Variants in CD163L1 observed in about 807,000 individuals in gnomAD.
CD163L1 encodes scavenger receptor cysteine-rich type 1 protein M160.
A neutral mutation model predicts 165.4 loss-of-function variants in CD163L1; 124 were observed. The observed-to-expected ratio is 0.75, with a 90% confidence interval of 0.65 to 0.87. The LOEUF is 0.87. Ranked by LOEUF, CD163L1 falls within the 40% of genes least tolerant of loss-of-function variation. The probability of loss-of-function intolerance (pLI) is 0.00; values close to 1 mark genes in which losing one functional copy is unlikely to be tolerated. For missense variants in CD163L1, 1,525 were observed against 1,799.9 expected (o/e 0.85, Z 2.76); for synonymous variants, 585 against 662.2 (o/e 0.88, Z 1.79).
rs1565808766 is a variant in CD163L1 at position 7,421,045 on chromosome 12, A to ATATACATATATATATATACGTGTATATG, written c.766+11370_766+11371insCATATACACGTATATATATATATGTATA. Among the ~76,000 whole-genome samples the ATATACATATATATATATACGTGTATATG allele has an allele frequency of 5.2e-3, 482 of 92,424 alleles. 39 individuals are homozygous for ATATACATATATATATATACGTGTATATG. The highest frequency in any genetic ancestry group is 0.024 in the African/African-American group (414 of 17,096). 60.6% of individuals were successfully genotyped at this position (92,424 alleles called of 152,430 possible). ...TATACATATATATATACGTGTATAT[A>ATATACATATATATATATACGTGTATATG]TATGTATATACGTATATATGTATAT... On this transcript the variant is annotated intron_variant, in intron 4 of 19. Coordinates refer to ENST00000313599, the MANE Select transcript of CD163L1 (RefSeq NM_174941.6).
chr12:7,329,762 C>T, the CD163L1 span, among the ~76,000 whole-genome samples: 2 of 152,004 alleles, frequency 1.3e-5, no homozygotes, highest in South Asian at 4.1e-4. Flanking sequence ...AACCTGAAAA[C>T]AAATTTTTTA....
intron 2 of CD163L1, 42 bp downstream of exon 2, chr12:7,441,112 A>G: frequency 7.3e-7 from 1 of 1,365,452 alleles, no homozygotes; most frequent in Non-Finnish European, 1.0e-6. Context: ...AAGGTAGAAT[A>G]GAGGATTGTA....
chr12:7,437,289 GTAT>G (rs1409450123), intron 2 of CD163L1, among the ~76,000 whole-genome samples: 1 of 4,640 alleles, frequency 2.2e-4, no homozygotes, highest in Non-Finnish European at 9.8e-4. Context: ...TATTTTAATA[GTAT>G]TACTTTTATT....
rs1323016084 is a variant in CD163L1, at chr12:7,368,088, T to C, written c.4182A>G (p.Arg1394=). Residue 1394 remains arginine (R), a splice_region_variant and synonymous_variant, in exon 17 of 20, where the codon AGA becomes AGG. Transcript: ENST00000313599. The surrounding 1 kb of genome is among the most constrained non-coding windows in gnomAD (Gnocchi z 4.3). ...RVQKQKHLPL[R]VSTRRRGSLE... ...ATACAATCCTAGTGGGGCTCTCACC[T>C]CTGAGGGGCAGATGTTTTTGTTTCT... 6.3e-7 allele frequency: 1 copy of C among 1,580,316 alleles called. No individual in the cohort carries two copies. Among genetic ancestry groups the C allele is most frequent in the Admixed American group, 1.7e-5 (1 of 59,948 alleles).
At chr12:7,415,032 T>C (rs1413349913) in intron 4 of CD163L1, among the ~76,000 whole-genome samples, 2 of 152,100 alleles carry the variant, frequency 1.3e-5, no homozygotes, top group East Asian at 1.9e-4. Flanking sequence ...TAGTAAAAAA[T>C]AGCCAAATTC....
intron 6 of CD163L1, among the ~76,000 whole-genome samples, chr12:7,401,980 C>T (rs1037785688): frequency 6.6e-6 from 1 of 151,744 alleles, no homozygotes; most frequent in East Asian, 1.9e-4. Flanking sequence ...CTTTGTCTAC[C>T]AAATTGATCA....
At position 7,379,119 on chromosome 12, in the gene CD163L1, G is replaced by A; in HGVS notation, c.2230C>T (p.His744Tyr). 3 of 1,614,126 alleles carry A rather than the reference G, an allele frequency of 1.9e-6. No homozygotes were observed. The highest frequency in any genetic ancestry group is 2.5e-6 in the Non-Finnish European group (3 of 1,180,014). The stretch of plus-strand genomic sequence containing the variant: ...ATGTGTAATGTTCTTTCTGTGAAAT[G>A]AGGCTCTCTGGAGACCCTGATTGCA... Reference protein sequence around the residue: ...GSAIRVSREPHFTERTLHILM... With the variant: ...GSAIRVSREPYFTERTLHILM... The change falls in exon 9 of 20, where the codon CAT (histidine) becomes TAT (tyrosine). Residue 744 changes from histidine (H) to tyrosine (Y), a missense_variant. Coordinates refer to ENST00000313599, the MANE Select transcript of CD163L1 (RefSeq NM_174941.6).
At chr12:7,341,825 G>A (rs1301295246), downstream of CD163L1, among the ~76,000 whole-genome samples, 1 of 152,148 alleles carries the variant, frequency 6.6e-6, no homozygotes, top group African/African-American at 2.4e-5. Context: ...GGAATTACCT[G>A]TGACATTACA....
At position 7,400,731 on chromosome 12, in the gene CD163L1, T is replaced by C. The variant is rs1321324011; in HGVS notation, c.1409-2147A>G. ...TAAAAACAATTCCAATGTCAATTCA[T>C]ATTTAGAAGAACAAAAAGGAAAAAG... On this transcript the variant is annotated intron_variant, in intron 6 of 19. Transcript: ENST00000313599. The surrounding 1 kb of genome is among the most constrained non-coding windows in gnomAD (Gnocchi z 4.1). Among the ~76,000 whole-genome samples, 1 of 152,182 alleles carries C rather than the reference T, an allele frequency of 6.6e-6. No homozygotes were observed. Among genetic ancestry groups the C allele is most frequent in the Admixed American group, 6.6e-5 (1 of 15,260 alleles).
intron 9 of CD163L1, among the ~76,000 whole-genome samples, chr12:7,377,370 T>C (rs1472265760): frequency 1.3e-5 from 2 of 152,216 alleles, no homozygotes; most frequent in Non-Finnish European, 2.9e-5. Flanking sequence ...GCTAATAGCA[T>C]ATATTTTACT....
Position 7,374,600 on chromosome 12 carries a change from T to C in CD163L1, c.3251A>G (p.Asn1084Ser), listed in dbSNP as rs758982052. 4 of 1,614,168 alleles carry C rather than the reference T, an allele frequency of 2.5e-6. No homozygotes were observed. The highest frequency in any genetic ancestry group is 3.3e-5 in the Admixed American group (2 of 60,016). The change falls in exon 13 of 20, where the codon AAT becomes AGT. Residue 1084 changes from asparagine (N) to serine (S), a missense_variant. Transcript: ENST00000313599. This position sits in a 1 kb window ranked among gnomAD's most constrained non-coding sequence, Gnocchi z 5.4. ...CQKLGCGVAF[N>S]ATVSAHFGEG... ...CCCAAAGTGAGCAGAGACCGTGGCA[T>C]TGAAGGCCACTCCACAGCCCAGCTT...
downstream of CD163L1, among the ~76,000 whole-genome samples, chr12:7,352,166 C>T (rs1300670625): frequency 6.6e-6 from 1 of 152,050 alleles, no homozygotes; most frequent in Non-Finnish European, 1.5e-5. Context: ...ATTGACAAAT[C>T]CTGTCTCCCT....
rs77243155 is a variant in CD163L1 at position 7,375,803 on chromosome 12, C to T, written c.2583G>A (p.Lys861=). The T allele has an allele frequency of 3.1e-4, 497 of 1,614,248 alleles. No homozygotes were observed. In the African/African-American group the frequency reaches 4.5e-3, roughly 15 times the overall value. ...GKGNGLTWAE[K]FQCEGSETHL... ...GAGTTTCACTCCCTTCACACTGGAA[C>T]TTTTCGGCCCAAGTTAGACCATTCC... The change falls in exon 10 of 20, where the codon AAG becomes AAA. Residue 861 remains lysine, a synonymous_variant. Coordinates refer to ENST00000313599, the MANE Select transcript of CD163L1 (RefSeq NM_174941.6).
rs1947246980 is a variant in CD163L1 at position 7,375,492 on chromosome 12, G to A, written c.2790C>T (p.Asp930=). The A allele has an allele frequency of 6.2e-7, 1 of 1,613,986 alleles. No homozygotes were observed. Residue 930 remains aspartate (D), a synonymous_variant, in exon 11 of 20, where the codon GAC becomes GAT. Coordinates refer to ENST00000313599, the MANE Select transcript of CD163L1 (RefSeq NM_174941.6). ...HWGSLCDTHW[D]PEDARVLCRQ... ...TGCATAGAACACGGGCATCTTCTGG[G>A]TCCCAGTGGGTGTCACACAGTGAGC...
intron 4 of CD163L1, among the ~76,000 whole-genome samples, chr12:7,423,365 C>T (rs989232508): frequency 1.3e-5 from 2 of 152,090 alleles, no homozygotes; most frequent in South Asian, 2.1e-4. Flanking sequence ...TAAATGCCCA[C>T]ATCAGAAAGC....
At chr12:7,328,249 G>A in the CD163L1 span, 1 of 1,473,554 alleles carries the variant, frequency 6.8e-7, no homozygotes, top group South Asian at 1.2e-5. Context: ...TGGAAGGATG[G>A]AATCAAGTGT....
At chr12:7,345,648 T>C (rs1404797983), downstream of CD163L1, among the ~76,000 whole-genome samples, 3 of 152,220 alleles carry the variant, frequency 2.0e-5, 1 homozygote, top group Admixed American at 2.0e-4. Flanking sequence ...TTTATAGCAA[T>C]GCCCCACTCC....
chr12:7,437,162 TTTA>T (rs1948727801), intron 2 of CD163L1, among the ~76,000 whole-genome samples: 1 of 64,624 alleles, frequency 1.5e-5, no homozygotes, highest in South Asian at 5.6e-4. Flanking sequence ...TACTTTTATT[TTTA>T]TTAATAGTAT....
chr12:7,341,003 T>G, the CD163L1 span, among the ~76,000 whole-genome samples: 1 of 152,212 alleles, frequency 6.6e-6, no homozygotes, highest in Non-Finnish European at 1.5e-5. Flanking sequence ...ATCAAATGAC[T>G]TTTGTGCTAA....
Sources: gnomAD v4.1 joint callset for allele counts (sites outside exome capture counted in the v4.1 genomes callset) on GRCh38, gnomAD v4.1.1 for gene constraint, Gnocchi (gnomAD v3.1) non-coding constraint, MANE v1.5 for transcripts, NCBI Gene and HGNC (gene_info 2026-07-23, HGNC 2026-07-21) for gene names.